Variants in TEAD4 observed in about 807,000 individuals in gnomAD.
TEAD4 encodes TEA domain transcription factor 4.
Under a neutral mutation model 52.4 loss-of-function variants are expected in TEAD4, and 36 were observed. The observed-to-expected ratio is 0.69, with a 90% confidence interval of 0.53 to 0.91. TEAD4 has a LOEUF of 0.91. TEAD4 is among the 40% of genes least tolerant of loss of function. The pLI is 0.00. For missense variants in TEAD4, 508 were observed against 583.9 expected, an observed-to-expected ratio of 0.87 and a Z score of 1.34; for synonymous variants, 220 against 231.0, an observed-to-expected ratio of 0.95 and a Z score of 0.43.
chr12:2,971,479 A>T (rs1591554740), intron 2 of TEAD4, among the ~76,000 whole-genome samples: 1 of 151,324 alleles, frequency 6.6e-6, no homozygotes, highest in Admixed American at 6.6e-5. Context: ...ATTTTATTTT[A>T]TCTTATTTAT....
chr12:3,009,501 C>T (rs550089258), intron 3 of TEAD4, among the ~76,000 whole-genome samples: 4 of 152,166 alleles, frequency 2.6e-5, no homozygotes, highest in African/African-American at 7.2e-5. Flanking sequence ...AGAGACTTAC[C>T]GTGCTCCCAA....
intron 3 of TEAD4, among the ~76,000 whole-genome samples, chr12:3,000,884 C>T (rs1230129323): frequency 6.6e-6 from 1 of 152,174 alleles, no homozygotes; most frequent in Non-Finnish European, 1.5e-5. Flanking sequence ...TAGAGCACGT[C>T]GAGGGTCTTT....
chr12:2,995,636 C>T lies in TEAD4; in HGVS notation c.226+644C>T, dbSNP rs1013942749. ...GCAGAACACAGCTGAAACTGTTCAG[C>T]GATGCATGGGAAGGACCAAGCAGTT... On this transcript the variant is annotated intron_variant, in intron 3 of 12. Coordinates refer to ENST00000359864, the MANE Select transcript of TEAD4 (RefSeq NM_003213.4). Among the ~76,000 whole-genome samples, 4 of 152,064 alleles carry T rather than the reference C, an allele frequency of 2.6e-5. No individual in the cohort carries two copies. The East Asian group carries it at 5.8e-4, about 22-fold the overall frequency.
chr12:3,021,426 T>C (rs1424773502), intron 9 of TEAD4, among the ~76,000 whole-genome samples: 4 of 150,934 alleles, frequency 2.7e-5, no homozygotes, highest in Non-Finnish European at 5.9e-5. Context: ...CTCTCCCGCC[T>C]TAGCCTCCGG....
intron 3 of TEAD4, 39 bp downstream of exon 3, chr12:2,995,031 G>A: frequency 6.3e-7 from 1 of 1,593,774 alleles, no homozygotes; most frequent in Non-Finnish European, 8.5e-7. Flanking sequence ...ACCTGAGGCT[G>A]AGGCAAGGGG....
intron 10 of TEAD4, 136 bp downstream of exon 10, chr12:3,022,153 C>G: frequency 1.7e-6 from 2 of 1,176,580 alleles, no homozygotes; most frequent in South Asian, 2.9e-5. Flanking sequence ...GGAGAGTAAG[C>G]CCAGCATGGC....
At chr12:3,006,097 A>T (rs115409559) in intron 3 of TEAD4, among the ~76,000 whole-genome samples, 7 of 152,214 alleles carry the variant, frequency 4.6e-5, no homozygotes, top group African/African-American at 1.7e-4. Context: ...ATTTGATTCA[A>T]TCATTGCAGA....
At chr12:3,000,560 G>T (rs1293947916) in intron 3 of TEAD4, among the ~76,000 whole-genome samples, 2 of 152,166 alleles carry the variant, frequency 1.3e-5, no homozygotes, top group Admixed American at 6.5e-5. Context: ...AGTGCCTTCA[G>T]GGCCGTATCA....
intron 10 of TEAD4, among the ~76,000 whole-genome samples, chr12:3,035,886 A>G (rs561911146): frequency 6.6e-6 from 1 of 151,262 alleles, no homozygotes; most frequent in South Asian, 2.1e-4. Flanking sequence ...TTCTGGTCCC[A>G]TTCACCTTAT....
intron 2 of TEAD4, among the ~76,000 whole-genome samples, chr12:2,973,639 T>C (rs2098227050): frequency 6.6e-6 from 1 of 152,162 alleles, no homozygotes; most frequent in African/African-American, 2.4e-5. Context: ...GTTCCTGGCG[T>C]AGAGCATGGT....
chr12:3,035,851 G>A lies in TEAD4; in HGVS notation c.898-2117G>A, dbSNP rs997911995. On this transcript the variant is annotated intron_variant, in intron 10 of 12. Coordinates refer to ENST00000359864, the MANE Select transcript of TEAD4 (RefSeq NM_003213.4). ...AAAAAAAAAAAAAGAAGAAGAAGAAGAAAACAGGAGCCCGAAAGCCTGGGT... is the reference window on the plus strand; with the variant it reads ...AAAAAAAAAAAAAGAAGAAGAAGAAAAAAACAGGAGCCCGAAAGCCTGGGT... 4.7e-3 allele frequency among the ~76,000 whole-genome samples: 679 copies of A among 145,938 alleles called. 4 individuals are homozygous for A. Among genetic ancestry groups the A allele is most frequent in the Non-Finnish European group, 8.3e-3 (549 of 66,020 alleles).
chr12:3,012,423 C>G (rs1009321840), intron 5 of TEAD4, among the ~76,000 whole-genome samples, 191 bp downstream of exon 5: 1 of 152,168 alleles, frequency 6.6e-6, no homozygotes, highest in Non-Finnish European at 1.5e-5. Context: ...ATGCCTGGCT[C>G]CCCACACCCT....
chr12:3,023,801 A>AAG (rs2098270316), intron 10 of TEAD4, among the ~76,000 whole-genome samples: 1 of 151,266 alleles, frequency 6.6e-6, no homozygotes, highest in Non-Finnish European at 1.5e-5. Context: ...AAAAAAAAAA[A>AAG]AAAAAGTGAA....
chr12:3,010,518 C>T (rs373189205), intron 3 of TEAD4, among the ~76,000 whole-genome samples: 16 of 152,320 alleles, frequency 1.1e-4, no homozygotes, highest in African/African-American at 3.6e-4. Flanking sequence ...CCCCCATGCC[C>T]GCTGCTGCCT....
At chr12:2,962,339 T>TAAATATATATATAA (rs2098216394) in intron 2 of TEAD4, among the ~76,000 whole-genome samples, 1 of 112,820 alleles carries the variant, frequency 8.9e-6, no homozygotes, top group Non-Finnish European at 1.8e-5. Flanking sequence ...TATAAATATA[T>TAAATATATATATAA]ATATATATTT....
At chr12:3,015,420 GC>G (rs2098263726) in intron 5 of TEAD4, among the ~76,000 whole-genome samples, 1 of 152,196 alleles carries the variant, frequency 6.6e-6, no homozygotes, top group Non-Finnish European at 1.5e-5. Flanking sequence ...CCTTCCGTGG[GC>G]TGCCTCATGC....
chr12:3,017,139 A>C, intron 5 of TEAD4: 1 of 643,462 alleles, frequency 1.6e-6, no homozygotes, highest in Non-Finnish European at 2.9e-6. Flanking sequence ...ATAAAATGAC[A>C]GATAATGTCT....
chr12:2,992,238 C>T (rs1312596588), intron 2 of TEAD4, among the ~76,000 whole-genome samples: 1 of 151,812 alleles, frequency 6.6e-6, no homozygotes, highest in Non-Finnish European at 1.5e-5. Flanking sequence ...AGGGTGGTCT[C>T]GAACTCCTGA....
chr12:3,016,894 G>A (rs928432356), intron 5 of TEAD4, among the ~76,000 whole-genome samples: 2 of 152,198 alleles, frequency 1.3e-5, no homozygotes, highest in African/African-American at 4.8e-5. Flanking sequence ...TGAAAGATGG[G>A]TGAGTCCCAG....
Sources: gnomAD v4.1 joint callset for allele counts (sites outside exome capture counted in the v4.1 genomes callset) on GRCh38, gnomAD v4.1.1 for gene constraint, MANE v1.5 for transcripts, NCBI Gene and HGNC (gene_info 2026-07-23, HGNC 2026-07-21) for gene names.